The following FTO variants were observed in gnomAD, a reference collection of about 807,000 sequenced individuals.
The protein encoded by FTO is alpha-ketoglutarate-dependent dioxygenase FTO.
FTO carries 47 observed loss-of-function variants against 63.9 expected under a neutral mutation model. The ratio of observed to expected loss-of-function variants is 0.74; its 90% CI spans 0.58 to 0.94. FTO has a LOEUF of 0.94. Among genes scored for constraint, FTO ranks in the 40% least tolerant of loss-of-function variants. FTO has a pLI of 0.00. For synonymous variants in FTO, 207 were observed against 224.4 expected (o/e 0.92, Z 0.69); for missense variants, 562 against 618.1 (o/e 0.91, Z 0.96).
At chr16:53,850,665 T>G (rs955643105) in intron 4 of FTO, among the ~76,000 whole-genome samples, 1 of 152,176 alleles carries the variant, frequency 6.6e-6, no homozygotes, top group African/African-American at 2.4e-5. Flanking sequence ...CCAGGCATTG[T>G]GCTGGCAGAT....
chr16:54,041,644 A>G lies in FTO; in HGVS notation c.1365-70118A>G, dbSNP rs8051602. On this transcript the variant is annotated intron_variant, in intron 8 of 8. Transcript: ENST00000471389. Reference sequence around the variant, plus strand: ...GGCTGCCCTGCTGTCATATGAGTCCATAGGGGGCAAAGGTGAGGCTTTCCT... The same window carrying G: ...GGCTGCCCTGCTGTCATATGAGTCCGTAGGGGGCAAAGGTGAGGCTTTCCT... Among the ~76,000 whole-genome samples, 380 of 152,278 alleles carry G rather than the reference A, an allele frequency of 2.5e-3. 3 individuals are homozygous for G. The highest frequency in any genetic ancestry group is 8.6e-3 in the African/African-American group (359 of 41,562).
At chr16:53,739,040 T>C (rs2076460712) in intron 1 of FTO, among the ~76,000 whole-genome samples, 1 of 152,116 alleles carries the variant, frequency 6.6e-6, no homozygotes, top group African/African-American at 2.4e-5. Flanking sequence ...TTGCCCAAAC[T>C]GGTCTCAAAC....
chr16:54,031,852 A>AT (rs1230554960), intron 8 of FTO, among the ~76,000 whole-genome samples: 23 of 152,130 alleles, frequency 1.5e-4, no homozygotes, highest in Non-Finnish European at 3.1e-4. Flanking sequence ...GCTTTTACTA[A>AT]TTTTTTTAAG....
At chr16:53,778,858 ATTTTT>A (rs71863246) in intron 1 of FTO, among the ~76,000 whole-genome samples, 26 of 144,118 alleles carry the variant, frequency 1.8e-4, no homozygotes, top group East Asian at 2.1e-4. Context: ...GTGATTGTGG[ATTTTT>A]TTTTTTTTTT....
intron 1 of FTO, among the ~76,000 whole-genome samples, chr16:53,804,412 C>T (rs1215441813): frequency 6.6e-6 from 1 of 152,140 alleles, no homozygotes; most frequent in African/African-American, 2.4e-5. Flanking sequence ...TGTGGTACCG[C>T]ATCGAGGAAG....
rs72803663 is a variant in FTO, at chr16:53,743,554, T to G, written c.45+39325T>G. On this transcript the variant is annotated intron_variant, in intron 1 of 8. Coordinates refer to ENST00000471389, the MANE Select transcript of FTO (RefSeq NM_001080432.3). ...CACTTATAAAAGTGGGAAAGTGGGG[T>G]AAAGAACTTTTGTCCTCATCTAGTA... Among the ~76,000 whole-genome samples the G allele has an allele frequency of 9.4e-3, 1,399 of 148,954 alleles. 19 individuals carry two copies. The highest frequency in any genetic ancestry group is 0.04 in the East Asian group (205 of 5,124).
intron 1 of FTO, among the ~76,000 whole-genome samples, chr16:53,727,705 C>G (rs1009064670): frequency 6.6e-6 from 1 of 152,094 alleles, no homozygotes; most frequent in African/African-American, 2.4e-5. Context: ...GTGGGAGTCA[C>G]GAGACCTGAG....
At chr16:54,000,514 C>T (rs1224497718) in intron 8 of FTO, among the ~76,000 whole-genome samples, 1 of 152,144 alleles carries the variant, frequency 6.6e-6, no homozygotes, top group Non-Finnish European at 1.5e-5. Context: ...ATCATACTAA[C>T]ATTTTGATTT....
chr16:53,994,118 A>G (rs1378129624), intron 8 of FTO: 2 of 152,122 alleles, frequency 1.3e-5, no homozygotes, highest in Admixed American at 1.3e-4. Flanking sequence ...TAAAACTTTC[A>G]TTGACTCTCA....
chr16:54,083,006 G>A (rs546754709), intron 8 of FTO, among the ~76,000 whole-genome samples: 11 of 152,128 alleles, frequency 7.2e-5, no homozygotes, highest in Non-Finnish European at 1.5e-4. Context: ...TTATGTTACA[G>A]TGGTTTCTAT....
In FTO at chr16:53,969,637, C is replaced by A. The variant is rs531627389; in HGVS notation, c.1364+35528C>A. ...TCTTTATGCAATAGATGTGACAGGACCTATATCCTCCAGTGTCACCTCTCT... is the reference window on the plus strand; with the variant it reads ...TCTTTATGCAATAGATGTGACAGGAACTATATCCTCCAGTGTCACCTCTCT... On this transcript the variant is annotated intron_variant, in intron 8 of 8. Coordinates refer to ENST00000471389, the MANE Select transcript of FTO (RefSeq NM_001080432.3). 3.9e-5 allele frequency among the ~76,000 whole-genome samples: 6 copies of A among 152,238 alleles called. No homozygotes were observed. In the East Asian group the frequency reaches 1.2e-3, roughly 29 times the overall value.
At chr16:53,730,316 CT>C (rs908955140) in intron 1 of FTO, among the ~76,000 whole-genome samples, 14 of 151,064 alleles carry the variant, frequency 9.3e-5, no homozygotes, top group South Asian at 8.4e-4. Flanking sequence ...TTTTATGTTG[CT>C]TTTTTTTTCT....
At chr16:54,081,237 T>C (rs776885615) in intron 8 of FTO, among the ~76,000 whole-genome samples, 4 of 152,168 alleles carry the variant, frequency 2.6e-5, no homozygotes, top group Non-Finnish European at 4.4e-5. Flanking sequence ...TGGAAAGTGA[T>C]ACGAGAACAG....
intron 1 of FTO, among the ~76,000 whole-genome samples, chr16:53,787,344 T>C (rs921359113): frequency 6.6e-6 from 1 of 150,662 alleles, no homozygotes; most frequent in Non-Finnish European, 1.5e-5. Context: ...TAATGGAAAA[T>C]GCAGCCAATA....
At chr16:53,781,167 A>G (rs1034260195) in intron 1 of FTO, among the ~76,000 whole-genome samples, 2 of 152,204 alleles carry the variant, frequency 1.3e-5, no homozygotes, top group South Asian at 2.1e-4. Context: ...TATTTTTCCA[A>G]TTGAGTAATC....
intron 4 of FTO, among the ~76,000 whole-genome samples, chr16:53,872,612 G>A (rs1215572037): frequency 6.6e-6 from 1 of 152,146 alleles, no homozygotes; most frequent in Admixed American, 6.5e-5. Context: ...TTGTTTTGTA[G>A]TTGTTTAAGA....
chr16:53,770,619 G>A (rs1031853908), intron 1 of FTO, among the ~76,000 whole-genome samples: 2 of 152,052 alleles, frequency 1.3e-5, no homozygotes, highest in Non-Finnish European at 2.9e-5. Flanking sequence ...TGCATTTCAA[G>A]CTCAGAAAAT....
chr16:54,063,969 A>G (rs2085655834), intron 8 of FTO: 1 of 145,078 alleles, frequency 6.9e-6, no homozygotes, highest in South Asian at 2.2e-4. Flanking sequence ...ACAAGAAATT[A>G]CAATAAGCTT....
Position 54,115,087 on chromosome 16 carries a change from C to G in FTO, c.*3172C>G, listed in dbSNP as rs2144645264. ...CTGCTGTGAATTGGAGAAGGACTTTCCTGGAAGCACAGGCCCAGAAATCGC... is the reference window on the plus strand; with the variant it reads ...CTGCTGTGAATTGGAGAAGGACTTTGCTGGAAGCACAGGCCCAGAAATCGC... On this transcript the variant is annotated 3_prime_UTR_variant, in exon 9 of 9. Transcript: ENST00000471389. 1 of 152,304 alleles carries G rather than the reference C, an allele frequency of 6.6e-6. No homozygotes were observed. Among genetic ancestry groups the G allele is most frequent in the South Asian group, 2.1e-4 (1 of 4,824 alleles). The allele number at this position is 152,304 out of a possible 1,614,324, so 9.4% of individuals were successfully genotyped here. A position where few individuals can be genotyped will look rare whatever the true frequency, so the allele number is the denominator to read the frequency against.
Sources: allele counts gnomAD v4.1 joint callset (sites outside exome capture counted in the v4.1 genomes callset), GRCh38; gene constraint gnomAD v4.1.1; transcripts MANE v1.5; gene names NCBI Gene and HGNC (gene_info 2026-07-23, HGNC 2026-07-21).